The following GTPBP1 variants were observed in gnomAD, a reference collection of about 807,000 sequenced individuals.
GTPBP1 encodes the protein GTP binding protein 1.
Under a neutral mutation model 62.0 loss-of-function variants are expected in GTPBP1, and 23 were observed. That is an observed-to-expected ratio of 0.37 (90% CI 0.27 to 0.53). The LOEUF (loss-of-function observed/expected upper bound fraction) is 0.53. Ranked by LOEUF, GTPBP1 falls within the 20% of genes least tolerant of loss-of-function variation. The pLI is 0.89. For missense variants in GTPBP1, 640 were observed against 917.3 expected (o/e 0.70, Z 3.90); for synonymous variants, 344 against 364.4 (o/e 0.94, Z 0.64).
chr22:38,726,014 C>G lies in GTPBP1; in HGVS notation c.1082C>G (p.Pro361Arg). 6.2e-7 allele frequency: 1 copy of G among 1,613,934 alleles called. No homozygotes were observed. The highest frequency in any genetic ancestry group is 8.5e-7 in the Non-Finnish European group (1 of 1,179,932). ...CTTCTCCCTCTGCTTAGGATGTGCC[C>G]GATATTCCAGATCTCCAACGTTACA... ...ASNFSSERMC[P>R]IFQISNVTGE... Residue 361 changes from proline to arginine, a missense_variant, in exon 7 of 12, where the codon CCG becomes CGG. Around this residue, in one of 4 missense-constraint regions of GTPBP1, gnomAD observed 220 missense variants for 358.1 expected, o/e 0.61. Transcript: ENST00000216044. The surrounding 1 kb of genome is among the most constrained non-coding windows in gnomAD (Gnocchi z 4.1).
In GTPBP1 at chr22:38,721,659, A is replaced by T. The variant is rs573759796; in HGVS notation, c.835-83A>T. On this transcript the variant is annotated intron_variant, in intron 4 of 11. Coordinates refer to ENST00000216044, the MANE Select transcript of GTPBP1 (RefSeq NM_004286.5). ...TTTTTGCCCAGCCCAGCTTTCATCC[A>T]CATCTGCTTTTGAGCCCCTGTGTCC... 79 of 1,364,144 alleles carry T rather than the reference A, an allele frequency of 5.8e-5. No homozygotes were observed. The African/African-American group carries it at 1.1e-3, about 18-fold the overall frequency. 84.5% of individuals were successfully genotyped at this position (1,364,144 alleles called of 1,614,324 possible).
rs1270435148 is a variant in GTPBP1, at chr22:38,730,373, C to T, written c.1918-239C>T. Among the ~76,000 whole-genome samples the T allele has an allele frequency of 6.6e-6, 1 of 152,226 alleles. No homozygotes were observed. Among genetic ancestry groups the T allele is most frequent in the Non-Finnish European group, 1.5e-5 (1 of 68,026 alleles). ...TCTGAACGGCCGCTTCTCACACCCT[C>T]ATCATGTGTGTCCTACCCACCCTGT... On this transcript the variant is annotated intron_variant, in intron 11 of 11. Transcript: ENST00000216044. This position sits in a 1 kb window ranked among gnomAD's most constrained non-coding sequence, Gnocchi z 5.6.
chr22:38,726,532 C>T lies in GTPBP1; in HGVS notation c.1401+92C>T. On this transcript the variant is annotated intron_variant, in intron 8 of 11. Transcript: ENST00000216044. The surrounding 1 kb of genome is among the most constrained non-coding windows in gnomAD (Gnocchi z 4.1). Reference sequence around the variant, plus strand: ...TGCTCACCCACTCTAGTCCTCATGGCTGCTCTGCAAGGTCGGGATTACTGG... The same window carrying T: ...TGCTCACCCACTCTAGTCCTCATGGTTGCTCTGCAAGGTCGGGATTACTGG... 9.0e-7 allele frequency: 1 copy of T among 1,106,434 alleles called. No individual in the cohort carries two copies. Among genetic ancestry groups the T allele is most frequent in the South Asian group, 1.4e-5 (1 of 71,950 alleles). 68.5% of individuals were successfully genotyped at this position (1,106,434 alleles called of 1,614,324 possible). A position where few individuals can be genotyped will look rare whatever the true frequency, so the allele number is the denominator to read the frequency against.
chr22:38,716,068 A>C lies in GTPBP1; in HGVS notation c.466A>C (p.Asn156His). The C allele has an allele frequency of 6.2e-7, 1 of 1,603,552 alleles. No homozygotes were observed. Among genetic ancestry groups the C allele is most frequent in the Non-Finnish European group, 8.5e-7 (1 of 1,174,944 alleles). ...DYLVRKRVGD[N>H]DFLEVRVAVV... Reference sequence around the variant, plus strand: ...CCTGGTCCGGAAACGAGTAGGAGACAATGACTTCCTGGAGGTCAGGTGAGG... The same window carrying C: ...CCTGGTCCGGAAACGAGTAGGAGACCATGACTTCCTGGAGGTCAGGTGAGG... Residue 156 changes from asparagine (N) to histidine (H), a missense_variant, in exon 3 of 12, where the codon AAT becomes CAT. Asn to His is a moderately conservative substitution (Grantham distance 68). This residue lies in a region of GTPBP1 where 215 missense variants were observed against 235.1 expected (regional missense o/e 0.91). Transcript: ENST00000216044. This position sits in a 1 kb window ranked among gnomAD's most constrained non-coding sequence, Gnocchi z 5.2.
rs939812965 is a variant in GTPBP1 at position 38,727,894 on chromosome 22, G to C, written c.1538-89G>C. The stretch of plus-strand genomic sequence containing the variant: ...AAGCCCCCACCCTTCCACAGCTTAA[G>C]CGTATTTCATGCTTTCACTCACTGC... On this transcript the variant is annotated intron_variant, in intron 9 of 11. Coordinates refer to ENST00000216044, the MANE Select transcript of GTPBP1 (RefSeq NM_004286.5). The surrounding 1 kb of genome is among the most constrained non-coding windows in gnomAD (Gnocchi z 6.5). 22 of 857,622 alleles carry C rather than the reference G, an allele frequency of 2.6e-5. No individual in the cohort carries two copies. In the African/African-American group the frequency reaches 3.1e-4, roughly 12 times the overall value. The allele number at this position is 857,622 out of a possible 1,614,324, so 53.1% of individuals were successfully genotyped here.
chr22:38,716,611 C>T lies in GTPBP1; in HGVS notation c.486-41C>T. 7.0e-7 allele frequency: 1 copy of T among 1,427,200 alleles called. No individual in the cohort carries two copies. Among genetic ancestry groups the T allele is most frequent in the Non-Finnish European group, 9.7e-7 (1 of 1,026,928 alleles). 88.4% of individuals were successfully genotyped at this position (1,427,200 alleles called of 1,614,324 possible). A position where few individuals can be genotyped will look rare whatever the true frequency, so the allele number is the denominator to read the frequency against. On this transcript the variant is annotated intron_variant, in intron 3 of 11. Coordinates refer to ENST00000216044, the MANE Select transcript of GTPBP1 (RefSeq NM_004286.5). The surrounding 1 kb of genome is among the most constrained non-coding windows in gnomAD (Gnocchi z 5.2). ...TGATGGTCGCTCCACCTCACTCATTCACTAACTCTCACATAGATGTATGGG... is the reference window on the plus strand; with the variant it reads ...TGATGGTCGCTCCACCTCACTCATTTACTAACTCTCACATAGATGTATGGG...
intron 5 of GTPBP1, chr22:38,723,485 CT>C: frequency 1.3e-6 from 1 of 795,624 alleles, no homozygotes; most frequent in Non-Finnish European, 2.1e-6. Context: ...TCAGAGTAGC[CT>C]TCCCACAGCA....
intron 2 of GTPBP1, among the ~76,000 whole-genome samples, chr22:38,711,061 T>A (rs896582193): frequency 1.3e-5 from 2 of 152,182 alleles, no homozygotes; most frequent in African/African-American, 2.4e-5. Context: ...AGATCATAAC[T>A]AGTTAAACAA....
rs536178700 is a variant in GTPBP1, at chr22:38,731,812, G to A, written c.*1108G>A. The stretch of plus-strand genomic sequence containing the variant: ...CTGCTACAGGAGCACAGTAGTGAAG[G>A]CCTGAGCTCCAGGTTTGAAAGACCC... On this transcript the variant is annotated 3_prime_UTR_variant, in exon 12 of 12. Transcript: ENST00000216044. 2 of 152,550 alleles carry A rather than the reference G, an allele frequency of 1.3e-5. No homozygotes were observed. The highest frequency in any genetic ancestry group is 4.1e-4 in the South Asian group (2 of 4,838). The allele number at this position is 152,550 out of a possible 1,614,324, so 9.4% of individuals were successfully genotyped here. A position where few individuals can be genotyped will look rare whatever the true frequency, so the allele number is the denominator to read the frequency against.
At chr22:38,734,994 C>T (rs745416866), downstream of GTPBP1, 1 of 303,434 alleles carries the variant, frequency 3.3e-6, no homozygotes, top group Non-Finnish European at 6.5e-6. Flanking sequence ...GGAACCAGTG[C>T]CCCAGGCCCC....
downstream of GTPBP1, chr22:38,739,949 G>A: frequency 6.2e-7 from 1 of 1,608,606 alleles, no homozygotes; most frequent in South Asian, 1.1e-5. The surrounding 1 kb of genome is among the most constrained non-coding windows in gnomAD (Gnocchi z 6.7). Context: ...TCCACCTATA[G>A]GAACCCAAAG....
intron 6 of GTPBP1, 102 bp from the exon 7 acceptor site, chr22:38,725,904 C>T: frequency 9.4e-7 from 1 of 1,059,082 alleles, no homozygotes; most frequent in Non-Finnish European, 1.4e-6. Flanking sequence ...ATAGTGGCAT[C>T]TGCTCCTCGA....
chr22:38,719,305 C>G (rs138691), intron 4 of GTPBP1, among the ~76,000 whole-genome samples: 10,029 of 152,116 alleles, frequency 0.066, 709 homozygotes, highest in African/African-American at 0.17. Context: ...CCGTACCCAG[C>G]CTGATTTAAT....
At chr22:38,706,912 A>G (rs770943488) in intron 1 of GTPBP1, 4 of 152,248 alleles carry the variant, frequency 2.6e-5, no homozygotes, top group Admixed American at 6.5e-5. Flanking sequence ...ATAGAAAAGT[A>G]AATACAAGAT....
intron 2 of GTPBP1, 76 bp from the exon 3 acceptor site, chr22:38,715,831 G>A (rs1306941030): frequency 2.7e-5 from 34 of 1,251,216 alleles, no homozygotes; most frequent in Non-Finnish European, 3.8e-5. Flanking sequence ...TGTTAGGTGG[G>A]GTTCCTGGCT....
chr22:38,738,392 C>A, downstream of GTPBP1: 2 of 1,096,490 alleles, frequency 1.8e-6, no homozygotes, highest in African/African-American at 1.6e-5. The surrounding 1 kb of genome is among the most constrained non-coding windows in gnomAD (Gnocchi z 6.6). Flanking sequence ...TCACTTCACT[C>A]TCTTGTGCCA....
intron 5 of GTPBP1, among the ~76,000 whole-genome samples, chr22:38,724,076 G>A (rs1462124125): frequency 2.0e-5 from 3 of 152,106 alleles, no homozygotes; most frequent in Admixed American, 2.0e-4. Flanking sequence ...TTCAGACGCA[G>A]AACCCTAGAA....
rs556754206 is a variant in GTPBP1, at chr22:38,724,655, G to A, written c.1073+244G>A. On this transcript the variant is annotated intron_variant, in intron 6 of 11. Coordinates refer to ENST00000216044, the MANE Select transcript of GTPBP1 (RefSeq NM_004286.5). ...CAGATTGTGAGGTGCTGGCATTCCTGGGGTTGGCATCCCGGCTGAGACTTC... is the reference window on the plus strand; with the variant it reads ...CAGATTGTGAGGTGCTGGCATTCCTAGGGTTGGCATCCCGGCTGAGACTTC... Among the ~76,000 whole-genome samples, 5 of 152,314 alleles carry A rather than the reference G, an allele frequency of 3.3e-5. No individual in the cohort carries two copies. In the East Asian group the frequency reaches 9.7e-4, roughly 29 times the overall value.
chr22:38,719,588 G>A (rs2092688650), intron 4 of GTPBP1, among the ~76,000 whole-genome samples: 1 of 151,656 alleles, frequency 6.6e-6, no homozygotes, highest in Admixed American at 6.6e-5. Context: ...GATTACAGGT[G>A]TGAGCCACCG....
Sources: allele counts gnomAD v4.1 joint callset (sites outside exome capture counted in the v4.1 genomes callset), GRCh38; gene constraint gnomAD v4.1.1; regional missense constraint gnomAD v4.1.1; non-coding constraint Gnocchi (gnomAD v3.1); transcripts MANE v1.5; gene names NCBI Gene and HGNC (gene_info 2026-07-23, HGNC 2026-07-21).